POLD1: variants seen among roughly 807,000 people sequenced by gnomAD.
POLD1 encodes the protein DNA polymerase delta 1, catalytic subunit.
In POLD1, 79 loss-of-function variants were observed where a neutral mutation model predicts 129.7. The observed-to-expected ratio is 0.61, with a 90% CI of 0.51 to 0.73. The LOEUF is 0.73. POLD1 is among the 30% of genes least tolerant of loss of function. The probability of loss-of-function intolerance (pLI) is 0.00; values close to 1 mark genes in which losing one functional copy is unlikely to be tolerated. For synonymous variants in POLD1, 714 were observed against 683.3 expected (o/e 1.04, Z -0.70); for missense variants, 1,338 against 1,595.8 (o/e 0.84, Z 2.75).
In POLD1 at chr19:50,400,522, A is replaced by ATTTTTTTT. The variant is rs1016107364; in HGVS notation, c.316+1059_316+1066dup. On this transcript the variant is annotated intron_variant, in intron 3 of 26. Coordinates refer to ENST00000440232, the MANE Select transcript of POLD1 (RefSeq NM_002691.4). ...AGGAGTGAGTAACTGTGCCCCGCCT[A>ATTTTTTTT]TTTTTTTTTTTTTTTTTTTTTTTTT... Among the ~76,000 whole-genome samples the ATTTTTTTT allele has an allele frequency of 1.2e-3, 78 of 63,522 alleles. 12 individuals carry two copies. The highest frequency in any genetic ancestry group is 5.4e-3 in the African/African-American group (65 of 12,050). 41.7% of individuals were successfully genotyped at this position (63,522 alleles called of 152,430 possible).
chr19:50,408,553 A>T (rs2038980822), intron 14 of POLD1, among the ~76,000 whole-genome samples: 2 of 151,608 alleles, frequency 1.3e-5, no homozygotes, highest in Non-Finnish European at 2.9e-5. Flanking sequence ...GCTAATTTTT[A>T]AAATTTTTTT....
chr19:50,411,312 C>T (rs1568633010), intron 17 of POLD1, among the ~76,000 whole-genome samples: 1 of 152,180 alleles, frequency 6.6e-6, no homozygotes, highest in Non-Finnish European at 1.5e-5. Context: ...GCTGCCTCCC[C>T]AGCCTCCTTG....
At chr19:50,390,739 G>T (rs1461266113) in intron 1 of POLD1, among the ~76,000 whole-genome samples, 4 of 152,250 alleles carry the variant, frequency 2.6e-5, no homozygotes, top group Admixed American at 2.6e-4. Flanking sequence ...CGCAGTGTTT[G>T]TGTCCCTGGG....
chr19:50,402,785 C>T (rs1442296314), intron 8 of POLD1, 44 bp downstream of exon 8: 1 of 1,552,640 alleles, frequency 6.4e-7, no homozygotes, highest in Non-Finnish European at 8.7e-7. Flanking sequence ...ATTGATGTGC[C>T]AAGTCGGGGG....
rs2122244194 is a variant in POLD1 at position 50,402,248 on chromosome 19, C to T, written c.633C>T (p.Arg211=). 1.9e-6 allele frequency: 3 copies of T among 1,597,824 alleles called. No individual in the cohort carries two copies. The highest frequency in any genetic ancestry group is 2.6e-6 in the Non-Finnish European group (3 of 1,171,202). The change falls in exon 6 of 27, where the codon CGC becomes CGT. Residue 211 remains arginine (R), a synonymous_variant. Transcript: ENST00000440232. Reference sequence around the variant, plus strand: ...GGCACGGCCCCTCCCCGTTCCTGCGCATCACCGTGGCGCTGCCGCGCCTCG... The same window carrying T: ...GGCACGGCCCCTCCCCGTTCCTGCGTATCACCGTGGCGCTGCCGCGCCTCG... The part of the protein sequence containing the change: ...YHGHGPSPFL[R]ITVALPRLVA...
In POLD1 at chr19:50,402,661, G is replaced by A. The variant is rs1568621267; in HGVS notation, c.890G>A (p.Ser297Asn). Residue 297 changes from serine (S) to asparagine (N), a missense_variant, in exon 8 of 27, where the codon AGT (serine) becomes AAT (asparagine). Physicochemically the swap from Ser to Asn is conservative, Grantham distance 46. Transcript: ENST00000440232. Reference protein sequence around the residue: ...EADVLWSDVVSHPPEGPWQRI... With the variant: ...EADVLWSDVVNHPPEGPWQRI... The stretch of plus-strand genomic sequence containing the variant: ...GACGTGCTGTGGTCTGACGTGGTCA[G>A]TCACCCACCGGAAGGGCCATGGCAG... 1 of 1,594,290 alleles carries A rather than the reference G, an allele frequency of 6.3e-7. No homozygotes were observed. The highest frequency in any genetic ancestry group is 8.6e-7 in the Non-Finnish European group (1 of 1,169,538).
At chr19:50,403,376 T>A (rs2038740727) in intron 9 of POLD1, 117 bp from the exon 10 acceptor site, 4 of 1,116,046 alleles carry the variant, frequency 3.6e-6, no homozygotes, top group Non-Finnish European at 5.4e-6. Flanking sequence ...GCTTGAGCAC[T>A]TCCCCTCTGG....
intron 1 of POLD1, among the ~76,000 whole-genome samples, chr19:50,386,408 G>A (rs2037973955): frequency 6.6e-6 from 1 of 152,182 alleles, no homozygotes; most frequent in Non-Finnish European, 1.5e-5. Flanking sequence ...AAAGTGCTGG[G>A]ATTACAGGTG....
intron 1 of POLD1, among the ~76,000 whole-genome samples, chr19:50,396,260 T>G (rs1401956477): frequency 1.3e-5 from 2 of 151,712 alleles, no homozygotes; most frequent in Non-Finnish European, 2.9e-5. Context: ...CTAATTTTTT[T>G]GTATTTTTAT....
chr19:50,410,584 A>T (rs552365821), intron 17 of POLD1, among the ~76,000 whole-genome samples: 2 of 151,692 alleles, frequency 1.3e-5, no homozygotes, highest in Non-Finnish European at 2.9e-5. Flanking sequence ...CAGCAAAAGG[A>T]CACAGATTAA....
In POLD1 at chr19:50,409,199, C is replaced by T; in HGVS notation, c.1970C>T (p.Pro657Leu). 2 of 1,613,476 alleles carry T rather than the reference C, an allele frequency of 1.2e-6. No individual in the cohort carries two copies. Among genetic ancestry groups the T allele is most frequent in the Non-Finnish European group, 1.7e-6 (2 of 1,179,550 alleles). ...VKTSVRKGLL[P>L]QILENLLSAR... ...ACCTCAGTGCGGAAGGGGCTGCTGC[C>T]CCAGATCCTGGAGAACCTGCTCAGT... is the stretch of plus-strand genomic sequence containing the variant. Residue 657 changes from proline to leucine, a missense_variant, in exon 16 of 27, where the codon CCC becomes CTC. By Grantham distance (98) the Pro-to-Leu change is moderately conservative. Coordinates refer to ENST00000440232, the MANE Select transcript of POLD1 (RefSeq NM_002691.4). This position sits in a 1 kb window ranked among gnomAD's most constrained non-coding sequence, Gnocchi z 5.8.
At chr19:50,404,334 C>T (rs2038785637) in intron 10 of POLD1, among the ~76,000 whole-genome samples, 2 of 150,268 alleles carry the variant, frequency 1.3e-5, no homozygotes, top group East Asian at 3.9e-4. Context: ...GCAATCTTGG[C>T]TCACTGCAAA....
intron 9 of POLD1, 86 bp downstream of exon 9, chr19:50,403,305 C>T (rs552289346): frequency 1.7e-5 from 24 of 1,372,432 alleles, no homozygotes; most frequent in East Asian, 7.4e-5. Flanking sequence ...GGTGCTGCGA[C>T]GCCCATGTCT....
chr19:50,401,951 C>T (rs2122235979), intron 4 of POLD1, 27 bp downstream of exon 4: 1 of 1,614,124 alleles, frequency 6.2e-7, no homozygotes, highest in South Asian at 1.1e-5. Context: ...CAGCCCCTCC[C>T]TGAGCCACTG....
rs759802920 is a variant in POLD1, at chr19:50,413,418, C to T, written c.2155-8C>T. The T allele has an allele frequency of 2.7e-5, 43 of 1,611,582 alleles. No homozygotes were observed. The African/African-American group carries it at 5.6e-4, about 21-fold the overall frequency. On this transcript the variant is annotated splice_region_variant and splice_polypyrimidine_tract_variant and intron_variant, in intron 17 of 26. Transcript: ENST00000440232. ...GGGCTTCACTCCGCATGATTCTCTC[C>T]CCGACAGAGCGTCACGGGGTTCGGA...
rs80214209 is a variant in POLD1, at chr19:50,409,161, C to G, written c.1932C>G (p.Asp644Glu). Reference protein sequence around the residue: ...EDQFIRTPTGDEFVKTSVRKG... With the variant: ...EDQFIRTPTGEEFVKTSVRKG... ...AGTTCATCAGGACCCCCACCGGGGA[C>G]GAGTTTGTGAAGACCTCAGTGCGGA... The change falls in exon 16 of 27, where the codon GAC becomes GAG. Residue 644 changes from aspartate (D) to glutamate (E), a missense_variant. Physicochemically the swap from Asp to Glu is conservative, Grantham distance 45. Coordinates refer to ENST00000440232, the MANE Select transcript of POLD1 (RefSeq NM_002691.4). This position sits in a 1 kb window ranked among gnomAD's most constrained non-coding sequence, Gnocchi z 5.8. 2.5e-4 allele frequency: 411 copies of G among 1,613,634 alleles called. 3 individuals carry two copies. In the East Asian group the frequency reaches 7.9e-3, roughly 31 times the overall value.
chr19:50,413,091 C>G (rs1324777642), intron 17 of POLD1, among the ~76,000 whole-genome samples: 1 of 151,832 alleles, frequency 6.6e-6, no homozygotes, highest in Non-Finnish European at 1.5e-5. Context: ...GGTCCTGTAC[C>G]ATAGAGAGCT....
chr19:50,403,953 G>C (rs1259089052), intron 10 of POLD1, among the ~76,000 whole-genome samples: 1 of 152,124 alleles, frequency 6.6e-6, no homozygotes, highest in Non-Finnish European at 1.5e-5. Flanking sequence ...GAGGAGGGGG[G>C]AGTGTGTTGA....
rs1372540036 is a variant in POLD1, at chr19:50,409,758, G to A, written c.2154+92G>A. The A allele has an allele frequency of 2.5e-5, 34 of 1,386,816 alleles. No homozygotes were observed. Among genetic ancestry groups the A allele is most frequent in the Non-Finnish European group, 3.0e-5 (31 of 1,017,892 alleles). The allele number at this position is 1,386,816 out of a possible 1,614,324, so 85.9% of individuals were successfully genotyped here. On this transcript the variant is annotated intron_variant, in intron 17 of 26. Transcript: ENST00000440232. The surrounding 1 kb of genome is among the most constrained non-coding windows in gnomAD (Gnocchi z 5.8). ...CCATGTGGGGGACCTGTATCCAGAG[G>A]ACTGGGCACCCCAACTCACTGGCCT...
Sources: allele counts gnomAD v4.1 joint callset (sites outside exome capture counted in the v4.1 genomes callset), GRCh38; gene constraint gnomAD v4.1.1; non-coding constraint Gnocchi (gnomAD v3.1); transcripts MANE v1.5; gene names NCBI Gene and HGNC (gene_info 2026-07-23, HGNC 2026-07-21).